PACRG: variants seen among roughly 807,000 people sequenced by gnomAD.
The protein encoded by PACRG is parkin coregulated.
A neutral mutation model predicts 29.7 loss-of-function variants in PACRG; 29 were observed. That is an observed-to-expected ratio of 0.98 (90% CI 0.73 to 1.33). PACRG has a LOEUF of 1.33. PACRG is among the 40% of genes most tolerant of loss of function. The pLI is 0.00. For missense variants in PACRG, 279 were observed against 316.2 expected (o/e 0.88, Z 0.89); for synonymous variants, 116 against 118.7 (o/e 0.98, Z 0.15).
At chr6:163,155,003 A>C (rs1778254342) in intron 4 of PACRG, among the ~76,000 whole-genome samples, 1 of 152,206 alleles carries the variant, frequency 6.6e-6, no homozygotes, top group African/African-American at 2.4e-5. Flanking sequence ...TCACAATGCA[A>C]CATGACTTAT....
At chr6:163,006,214 A>G (rs1805099585) in intron 2 of PACRG, among the ~76,000 whole-genome samples, 1 of 145,688 alleles carries the variant, frequency 6.9e-6, no homozygotes, top group African/African-American at 2.5e-5. Flanking sequence ...TATCCCATAT[A>G]TATATATATG....
intron 4 of PACRG, chr6:163,095,407 A>G (rs1814481565): frequency 1.0e-6 from 1 of 985,364 alleles, no homozygotes. Flanking sequence ...CGATGTCTAA[A>G]GAAATCAGAA....
intron 1 of PACRG, among the ~76,000 whole-genome samples, chr6:162,760,316 A>G (rs1782248081): frequency 6.6e-6 from 1 of 152,224 alleles, no homozygotes; most frequent in Non-Finnish European, 1.5e-5. Flanking sequence ...CTTTCATCAC[A>G]TCACATGTGG....
At chr6:162,794,073 T>C (rs547987315) in intron 1 of PACRG, among the ~76,000 whole-genome samples, 1 of 152,164 alleles carries the variant, frequency 6.6e-6, no homozygotes. Flanking sequence ...AGTGTATCCA[T>C]TTACACTCAA....
intron 4 of PACRG, among the ~76,000 whole-genome samples, chr6:163,203,898 A>C (rs1780803505): frequency 6.6e-6 from 1 of 152,204 alleles, no homozygotes; most frequent in Admixed American, 6.5e-5. Flanking sequence ...CACAAATCAT[A>C]TTGGGGTATA....
At chr6:162,920,549 T>G (rs1796996595) in intron 2 of PACRG, among the ~76,000 whole-genome samples, 1 of 152,184 alleles carries the variant, frequency 6.6e-6, no homozygotes, top group Non-Finnish European at 1.5e-5. Context: ...TACTTTTTAG[T>G]TTTTTATTTC....
intron 2 of PACRG, among the ~76,000 whole-genome samples, chr6:162,905,442 GGCA>G (rs1795863699): frequency 6.6e-6 from 1 of 152,164 alleles, no homozygotes; most frequent in African/African-American, 2.4e-5. Flanking sequence ...TGACCAGACT[GGCA>G]GCATTTACAG....
intron 2 of PACRG, among the ~76,000 whole-genome samples, chr6:162,947,652 C>T (rs1333611937): frequency 1.5e-4 from 3 of 19,470 alleles, no homozygotes; most frequent in Non-Finnish European, 3.3e-4. Context: ...ATATATACAC[C>T]CAAAGATTCC....
At chr6:162,774,604 T>C (rs554289716) in intron 1 of PACRG, among the ~76,000 whole-genome samples, 1 of 152,326 alleles carries the variant, frequency 6.6e-6, no homozygotes, top group South Asian at 2.1e-4. Flanking sequence ...ATTCTTGTGT[T>C]TACATCTTCT....
At chr6:162,946,280 CAAAT>C (rs1799001984) in intron 2 of PACRG, among the ~76,000 whole-genome samples, 1 of 151,712 alleles carries the variant, frequency 6.6e-6, no homozygotes, top group African/African-American at 2.4e-5. Context: ...AAGAAAACCT[CAAAT>C]AAAATCAGAA....
intron 2 of PACRG, among the ~76,000 whole-genome samples, chr6:163,040,251 A>G (rs941874657): frequency 1.3e-5 from 2 of 152,364 alleles, no homozygotes; most frequent in Non-Finnish European, 2.9e-5. Flanking sequence ...CCGCAGGTGC[A>G]CAGAAGACAA....
intron 3 of PACRG, among the ~76,000 whole-genome samples, chr6:163,065,542 C>T (rs1052418612): frequency 1.3e-5 from 2 of 152,166 alleles, no homozygotes; most frequent in East Asian, 3.9e-4. Flanking sequence ...AAAGTGAGAA[C>T]AGTAGCAACA....
chr6:162,923,275 G>A (rs1000831110), intron 2 of PACRG, among the ~76,000 whole-genome samples: 7 of 152,020 alleles, frequency 4.6e-5, no homozygotes, highest in African/African-American at 1.4e-4. Context: ...TCTGGTGTTC[G>A]TCCCTTGTCA....
At chr6:163,094,541 G>T (rs78579553) in intron 4 of PACRG, among the ~76,000 whole-genome samples, 1,544 of 152,226 alleles carry the variant, frequency 0.01, 33 homozygotes, top group African/African-American at 0.036. Flanking sequence ...GGGGTCCTTT[G>T]GTCTAAGAGT....
In PACRG at chr6:162,947,583, C is replaced by CATAT. The variant is rs746673462; in HGVS notation, c.292-114561_292-114558dup. Among the ~76,000 whole-genome samples the CATAT allele has an allele frequency of 5.9e-3, 249 of 42,042 alleles. 11 individuals are homozygous for CATAT. Among genetic ancestry groups the CATAT allele is most frequent in the African/African-American group, 0.023 (239 of 10,352 alleles). 27.6% of individuals were successfully genotyped at this position (42,042 alleles called of 152,430 possible). On this transcript the variant is annotated intron_variant, in intron 2 of 4. Coordinates refer to ENST00000366888, the MANE Select transcript of PACRG (RefSeq NM_001080379.2). ...TCATATATATATACTCATATATAATCATATATATAATCATATATATATATA... is the reference window on the plus strand; with the variant it reads ...TCATATATATATACTCATATATAATCATATATATATATAATCATATATATATATA...
intron 1 of PACRG, among the ~76,000 whole-genome samples, chr6:162,770,557 CT>C (rs1783141161): frequency 6.6e-6 from 1 of 152,130 alleles, no homozygotes; most frequent in South Asian, 2.1e-4. Flanking sequence ...AACTTTTGCT[CT>C]TGATGGCCAA....
intron 2 of PACRG, among the ~76,000 whole-genome samples, chr6:163,012,155 T>C (rs1301727582): frequency 1.3e-5 from 2 of 152,228 alleles, no homozygotes; most frequent in Non-Finnish European, 1.5e-5. Context: ...TGCCTAAGAT[T>C]TGTTGTCCTA....
At chr6:163,253,364 G>C (rs1782985424) in intron 4 of PACRG, among the ~76,000 whole-genome samples, 1 of 151,464 alleles carries the variant, frequency 6.6e-6, no homozygotes, top group African/African-American at 2.4e-5. Flanking sequence ...ATGAGCTCTT[G>C]TGATATTTCT....
At chr6:163,249,331 T>C (rs764290477) in intron 4 of PACRG, among the ~76,000 whole-genome samples, 7 of 152,050 alleles carry the variant, frequency 4.6e-5, no homozygotes, top group African/African-American at 1.2e-4. Context: ...TTTTCAAACA[T>C]AGAAATTGTC....
Sources: allele counts gnomAD v4.1 joint callset (sites outside exome capture counted in the v4.1 genomes callset), GRCh38; gene constraint gnomAD v4.1.1; transcripts MANE v1.5; gene names NCBI Gene and HGNC (gene_info 2026-07-23, HGNC 2026-07-21).